MACROD2: variants seen among roughly 807,000 people sequenced by gnomAD.
MACROD2 encodes the protein mono-ADP ribosylhydrolase 2, also known as ADP-ribose glycohydrolase MACROD2.
In MACROD2, 36 loss-of-function variants were observed where a neutral mutation model predicts 70.4. That is an observed-to-expected ratio of 0.51 (90% CI 0.39 to 0.68). The LOEUF (loss-of-function observed/expected upper bound fraction) is 0.68. Among genes scored for constraint, MACROD2 ranks in the 30% least tolerant of loss-of-function variants. The pLI, the probability that MACROD2 is intolerant of heterozygous loss-of-function variation, is 0.00. For synonymous variants in MACROD2, 172 were observed against 178.8 expected (o/e 0.96, Z 0.30); for missense variants, 496 against 538.4 (o/e 0.92, Z 0.78).
chr20:14,800,763 C>T (rs2072565463), intron 5 of MACROD2, among the ~76,000 whole-genome samples: 1 of 152,048 alleles, frequency 6.6e-6, no homozygotes, highest in Non-Finnish European at 1.5e-5. Flanking sequence ...GGAGGTTAGT[C>T]GTAGCCATGG....
chr20:15,768,062 TAA>T (rs1480158383), intron 8 of MACROD2, among the ~76,000 whole-genome samples: 1 of 151,066 alleles, frequency 6.6e-6, no homozygotes, highest in African/African-American at 2.4e-5. Context: ...ATAGAGAAAA[TAA>T]AAGATATATG....
At chr20:14,056,921 GT>G (rs1263074764) in intron 2 of MACROD2, among the ~76,000 whole-genome samples, 1 of 151,132 alleles carries the variant, frequency 6.6e-6, no homozygotes, top group African/African-American at 2.4e-5. Context: ...TTTTCTCATT[GT>G]TTTTTAACGT....
intron 5 of MACROD2, among the ~76,000 whole-genome samples, chr20:14,736,556 A>G (rs987863516): frequency 2.6e-5 from 4 of 152,216 alleles, no homozygotes; most frequent in African/African-American, 9.7e-5. Context: ...ATGTATTTAC[A>G]TGAAGTATCT....
chr20:15,244,537 C>T (rs1466386545), intron 6 of MACROD2, among the ~76,000 whole-genome samples: 1 of 152,102 alleles, frequency 6.6e-6, no homozygotes, highest in Admixed American at 6.5e-5. Context: ...GGCCCCCCTG[C>T]ACCCCAGATT....
At chr20:15,584,317 G>A (rs529283991) in intron 8 of MACROD2, among the ~76,000 whole-genome samples, 52 of 152,028 alleles carry the variant, frequency 3.4e-4, no homozygotes, top group Non-Finnish European at 3.4e-4. Flanking sequence ...GATTTTTGGC[G>A]TCATAGAAAG....
chr20:15,513,560 C>CTGTG (rs78328926), intron 8 of MACROD2, among the ~76,000 whole-genome samples: 1 of 151,836 alleles, frequency 6.6e-6, no homozygotes, highest in South Asian at 2.1e-4. Flanking sequence ...ACCAGAGGCT[C>CTGTG]TGCGTGTGTG....
rs71190173 is a variant in MACROD2, at chr20:15,088,397, TTATATATATA to T, written c.419-141498_419-141489del. The stretch of plus-strand genomic sequence containing the variant: ...ACCATTAAAACATATATACTATATT[TTATATATATA>T]TATATATATATATATATATATATAT... On this transcript the variant is annotated intron_variant, in intron 5 of 17. Coordinates refer to ENST00000684519, the MANE Select transcript of MACROD2 (RefSeq NM_001351661.2). Among the ~76,000 whole-genome samples the T allele has an allele frequency of 7.7e-3, 858 of 110,808 alleles. 11 individuals are homozygous for T. Among genetic ancestry groups the T allele is most frequent in the East Asian group, 0.027 (60 of 2,208 alleles). The allele number at this position is 110,808 out of a possible 152,430, so 72.7% of individuals were successfully genotyped here. A position where few individuals can be genotyped will look rare whatever the true frequency, so the allele number is the denominator to read the frequency against.
intron 5 of MACROD2, chr20:14,757,872 G>C (rs1199961468): frequency 1.4e-6 from 2 of 1,480,986 alleles, no homozygotes; most frequent in African/African-American, 1.4e-5. Context: ...GGCAGGCCTC[G>C]GCCTAAAGGT....
At chr20:16,025,606 G>A (rs188859891) in intron 15 of MACROD2, among the ~76,000 whole-genome samples, 2 of 152,054 alleles carry the variant, frequency 1.3e-5, no homozygotes, top group Non-Finnish European at 1.5e-5. Context: ...TCAGGAAGCC[G>A]CCTGGGGATG....
intron 8 of MACROD2, among the ~76,000 whole-genome samples, chr20:15,724,622 C>G (rs1189198331): frequency 6.6e-6 from 1 of 152,110 alleles, no homozygotes; most frequent in Non-Finnish European, 1.5e-5. Context: ...TCTGGCCTGT[C>G]TATTCTCTTC....
chr20:15,276,365 A>C lies in MACROD2; in HGVS notation c.540+46304A>C, dbSNP rs572681811. On this transcript the variant is annotated intron_variant, in intron 6 of 17. Transcript: ENST00000684519. ...CAGTGAGCCGAGATTGTGCCACTGC[A>C]CTCTGGCCTGGGCGACAGAGAGAGA... 2.9e-4 allele frequency among the ~76,000 whole-genome samples: 41 copies of C among 142,234 alleles called. 2 individuals carry two copies. In the South Asian group the frequency reaches 5.7e-3, roughly 20 times the overall value. The allele number at this position is 142,234 out of a possible 152,430, so 93.3% of individuals were successfully genotyped here. A position where few individuals can be genotyped will look rare whatever the true frequency, so the allele number is the denominator to read the frequency against.
At chr20:15,933,448 C>A in intron 11 of MACROD2, 110 bp downstream of exon 11, 1 of 973,724 alleles carries the variant, frequency 1.0e-6, no homozygotes, top group Non-Finnish European at 1.5e-6. Flanking sequence ...ACCAGATGAA[C>A]TCCAGTGTTC....
chr20:14,847,095 A>G (rs948563498), intron 5 of MACROD2, among the ~76,000 whole-genome samples: 1 of 151,790 alleles, frequency 6.6e-6, no homozygotes, highest in African/African-American at 2.4e-5. Context: ...ACAAAAGAAA[A>G]AAAAGTACTA....
chr20:14,903,688 C>T (rs2073924901), intron 5 of MACROD2, among the ~76,000 whole-genome samples: 1 of 152,068 alleles, frequency 6.6e-6, no homozygotes, highest in East Asian at 1.9e-4. Flanking sequence ...ATAATCCCCA[C>T]ATTTCAGCAG....
At chr20:15,873,939 A>T (rs1248357818) in intron 9 of MACROD2, among the ~76,000 whole-genome samples, 1 of 152,038 alleles carries the variant, frequency 6.6e-6, no homozygotes, top group Non-Finnish European at 1.5e-5. Context: ...ATTATACTTT[A>T]AGTTCTAGGG....
rs547179615 is a variant in MACROD2 at position 14,095,619 on chromosome 20, A to G, written c.271+9891A>G. On this transcript the variant is annotated intron_variant, in intron 3 of 17. Coordinates refer to ENST00000684519, the MANE Select transcript of MACROD2 (RefSeq NM_001351661.2). ...GCTATGATACCATCCTAAGCCATCT[A>G]TCTATATTAAATATAGATAATTCCT... 2.0e-5 allele frequency among the ~76,000 whole-genome samples: 3 copies of G among 152,310 alleles called. No individual in the cohort carries two copies. In the East Asian group the frequency reaches 5.8e-4, roughly 29 times the overall value.
chr20:15,933,910 A>G (rs1290910482), intron 11 of MACROD2, among the ~76,000 whole-genome samples: 1 of 152,200 alleles, frequency 6.6e-6, no homozygotes, highest in Non-Finnish European at 1.5e-5. Context: ...AGATGTGTCC[A>G]TTGAAAGTTT....
chr20:14,382,762 T>C (rs996016112), intron 3 of MACROD2, among the ~76,000 whole-genome samples: 2 of 152,184 alleles, frequency 1.3e-5, no homozygotes, highest in Non-Finnish European at 2.9e-5. Flanking sequence ...TTCTATGTTT[T>C]CAAAAAGGCA....
chr20:13,997,428 G>A (rs947489591), intron 1 of MACROD2, among the ~76,000 whole-genome samples: 12 of 151,906 alleles, frequency 7.9e-5, no homozygotes, highest in Admixed American at 6.6e-4. Flanking sequence ...ATGATAATGA[G>A]GGCAAAACAG....
Sources: allele counts gnomAD v4.1 joint callset (sites outside exome capture counted in the v4.1 genomes callset), GRCh38; gene constraint gnomAD v4.1.1; transcripts MANE v1.5; gene names NCBI Gene and HGNC (gene_info 2026-07-23, HGNC 2026-07-21).